CDS1: variants seen among roughly 807,000 people sequenced by gnomAD.
CDS1 encodes the protein CDP-diacylglycerol synthase 1, also known as phosphatidate cytidylyltransferase 1.
Under a neutral mutation model 62.1 loss-of-function variants are expected in CDS1, and 41 were observed. The observed-to-expected ratio is 0.66, with a 90% CI of 0.51 to 0.86. CDS1 has a LOEUF of 0.86. Ranked by LOEUF, CDS1 falls within the 40% of genes least tolerant of loss-of-function variation. The probability of loss-of-function intolerance (pLI) is 0.00; values close to 1 mark genes in which losing one functional copy is unlikely to be tolerated. For synonymous variants in CDS1, 185 were observed against 192.6 expected (o/e 0.96, Z 0.32); for missense variants, 470 against 550.1 (o/e 0.85, Z 1.46).
At chr4:84,604,435 A>G (rs944174295) in intron 2 of CDS1, 65 bp downstream of exon 2, 1 of 1,535,694 alleles carries the variant, frequency 6.5e-7, no homozygotes, top group Non-Finnish European at 8.8e-7. Flanking sequence ...ATCCTTGTCC[A>G]TGTAATAAAT....
At chr4:84,639,329 C>G (rs566067114) in intron 9 of CDS1, among the ~76,000 whole-genome samples, 2 of 152,162 alleles carry the variant, frequency 1.3e-5, no homozygotes, top group African/African-American at 4.8e-5. Flanking sequence ...CTGCCTTAGG[C>G]GGGGCACAAG....
rs560621450 is a variant in CDS1, at chr4:84,599,666, C to T, written c.118-4577C>T. On this transcript the variant is annotated intron_variant, in intron 1 of 12. Transcript: ENST00000295887. The stretch of plus-strand genomic sequence containing the variant: ...TATATGTATTACATGTACATTTTGT[C>T]TGGCTTCTTTTACTCAGCATAATTA... 2.0e-5 allele frequency among the ~76,000 whole-genome samples: 3 copies of T among 151,802 alleles called. No individual in the cohort carries two copies. In the East Asian group the frequency reaches 5.8e-4, roughly 29 times the overall value.
intron 3 of CDS1, among the ~76,000 whole-genome samples, chr4:84,611,440 C>T (rs932518336): frequency 6.6e-6 from 1 of 152,070 alleles, no homozygotes; most frequent in Non-Finnish European, 1.5e-5. Context: ...TGCCAATCTC[C>T]CTCCATATTC....
At chr4:84,606,648 A>T (rs567929047) in intron 2 of CDS1, among the ~76,000 whole-genome samples, 3 of 152,142 alleles carry the variant, frequency 2.0e-5, no homozygotes, top group African/African-American at 7.2e-5. Context: ...ATAAAGTCCT[A>T]AAAGGGAAAT....
intron 1 of CDS1, among the ~76,000 whole-genome samples, chr4:84,600,997 C>G (rs919972793): frequency 6.6e-6 from 1 of 151,562 alleles, no homozygotes. Context: ...GGTGATACAC[C>G]ATTTCTATGA....
chr4:84,589,937 C>T (rs546919334), intron 1 of CDS1, among the ~76,000 whole-genome samples: 11 of 152,098 alleles, frequency 7.2e-5, no homozygotes, highest in South Asian at 2.1e-4. Flanking sequence ...CAGCCTCCGA[C>T]GTAGCTGGGA....
At chr4:84,635,574 T>TCTGCCTGCCTGCCTGCCTGCCTGCCTGC (rs1214957051) in intron 8 of CDS1, among the ~76,000 whole-genome samples, 3 of 102,030 alleles carry the variant, frequency 2.9e-5, no homozygotes, top group South Asian at 6.5e-4. Context: ...ACTCCATCAG[T>TCTGCCTGCCTGCCTGCCTGCCTGCCTGC]CTGCCTGCCT....
intron 3 of CDS1, among the ~76,000 whole-genome samples, chr4:84,615,573 C>T (rs577565745): frequency 2.6e-5 from 4 of 152,148 alleles, no homozygotes; most frequent in South Asian, 2.1e-4. Context: ...CTGGCTCTGC[C>T]GTTGCCCACC....
At chr4:84,640,628 CTT>C (rs796320381) in intron 9 of CDS1, among the ~76,000 whole-genome samples, 1 of 151,430 alleles carries the variant, frequency 6.6e-6, no homozygotes. Context: ...TTCAAAAAAA[CTT>C]TTTTTTTCTA....
chr4:84,608,049 C>T (rs1419102104), intron 2 of CDS1, among the ~76,000 whole-genome samples: 7 of 152,038 alleles, frequency 4.6e-5, no homozygotes, highest in Non-Finnish European at 7.4e-5. Flanking sequence ...TGGTGGGGTG[C>T]GGTCGGGCAT....
At chr4:84,597,200 C>G (rs576016976) in intron 1 of CDS1, among the ~76,000 whole-genome samples, 12 of 152,200 alleles carry the variant, frequency 7.9e-5, no homozygotes, top group African/African-American at 2.2e-4. Context: ...GGGAATAGAA[C>G]AGGGCTGCGG....
rs758521305 is a variant in CDS1, at chr4:84,604,307, T to G, written c.182T>G (p.Ile61Ser). ...DSRTDSDIPE[I>S]PPSSDRTPEI... is the part of the protein sequence containing the mutation. ...AGAACAGATTCTGATATTCCGGAAA[T>G]TCCACCATCCTCAGATAGAACCCCT... Residue 61 changes from isoleucine (I) to serine (S), a missense_variant, in exon 2 of 13, where the codon ATT (isoleucine) becomes AGT (serine). By Grantham distance (142) the Ile-to-Ser change is moderately radical. Transcript: ENST00000295887. 1 of 1,612,620 alleles carries G rather than the reference T, an allele frequency of 6.2e-7. No homozygotes were observed. The highest frequency in any genetic ancestry group is 2.2e-5 in the East Asian group (1 of 44,822).
chr4:84,640,009 C>CTA (rs1417936604), intron 9 of CDS1, among the ~76,000 whole-genome samples: 1 of 151,042 alleles, frequency 6.6e-6, no homozygotes, highest in East Asian at 1.9e-4. Context: ...TTATCAAAGA[C>CTA]TAACTTGAAA....
At chr4:84,603,391 C>G (rs1392568012) in intron 1 of CDS1, among the ~76,000 whole-genome samples, 1 of 152,182 alleles carries the variant, frequency 6.6e-6, no homozygotes, top group African/African-American at 2.4e-5. Context: ...GTGTTCACCA[C>G]TCATAACTGA....
Position 84,610,647 on chromosome 4 carries a change from A to T in CDS1, c.342+1122A>T, listed in dbSNP as rs1723290853. On this transcript the variant is annotated intron_variant, in intron 3 of 12. Coordinates refer to ENST00000295887, the MANE Select transcript of CDS1 (RefSeq NM_001263.4). ...GAGCTGATTATGTATTTACAGTGAG[A>T]TGCCACCTGATGACATTTTGGTCAG... Among the ~76,000 whole-genome samples, 2 of 152,230 alleles carry T rather than the reference A, an allele frequency of 1.3e-5. 1 individual carries two copies. Among genetic ancestry groups the T allele is most frequent in the South Asian group, 4.1e-4 (2 of 4,832 alleles).
intron 1 of CDS1, among the ~76,000 whole-genome samples, chr4:84,597,864 T>C (rs763935974): frequency 4.9e-4 from 74 of 151,602 alleles, no homozygotes; most frequent in Non-Finnish European, 7.8e-4. Flanking sequence ...CGGTGGCTCA[T>C]GCCTGTAATC....
At chr4:84,587,979 A>G (rs1465188654) in intron 1 of CDS1, among the ~76,000 whole-genome samples, 3 of 152,234 alleles carry the variant, frequency 2.0e-5, no homozygotes, top group Non-Finnish European at 4.4e-5. Flanking sequence ...GCATCAATGC[A>G]GATTTTCTCT....
rs936643445 is a variant in CDS1, at chr4:84,588,672, G to A, written c.117+5154G>A. ...TGTATGCTGAGTCCATTTCTGGATG[G>A]GGGGGCCACAGGAGTTGCTGGTTTG... On this transcript the variant is annotated intron_variant, in intron 1 of 12. Transcript: ENST00000295887. 5.3e-5 allele frequency among the ~76,000 whole-genome samples: 8 copies of A among 152,182 alleles called. No homozygotes were observed. In the East Asian group the frequency reaches 9.7e-4, roughly 18 times the overall value.
chr4:84,630,255 C>T (rs1182416296), intron 5 of CDS1, among the ~76,000 whole-genome samples: 2 of 152,114 alleles, frequency 1.3e-5, no homozygotes, highest in East Asian at 1.9e-4. Context: ...CTCTCTCTCT[C>T]ATTCTTTCTC....
Sources: allele counts gnomAD v4.1 joint callset (sites outside exome capture counted in the v4.1 genomes callset), GRCh38; gene constraint gnomAD v4.1.1; transcripts MANE v1.5; gene names NCBI Gene and HGNC (gene_info 2026-07-23, HGNC 2026-07-21).